Variants in ST18 observed in about 807,000 individuals in gnomAD.
ST18 encodes ST18 C2H2C-type zinc finger transcription factor.
ST18 carries 50 observed loss-of-function variants against 110.0 expected under a neutral mutation model. The observed-to-expected ratio is 0.45, with a 90% CI of 0.36 to 0.58. The LOEUF (loss-of-function observed/expected upper bound fraction) is 0.58. Among genes scored for constraint, ST18 ranks in the 20% least tolerant of loss-of-function variants. The pLI, the probability that ST18 is intolerant of heterozygous loss-of-function variation, is 0.00. For missense variants in ST18, 1,306 were observed against 1,280.1 expected (o/e 1.02, Z -0.31); for synonymous variants, 461 against 452.4 (o/e 1.02, Z -0.24).
chr8:52,229,978 T>G (rs2090828514), intron 3 of ST18, 54 bp downstream of exon 3: 1 of 152,578 alleles, frequency 6.6e-6, no homozygotes, highest in African/African-American at 2.4e-5. Context: ...GTTGAAAAGT[T>G]GGAGATTCTT....
chr8:52,351,404 C>T (rs1201856549), intron 2 of ST18, among the ~76,000 whole-genome samples: 3 of 152,234 alleles, frequency 2.0e-5, no homozygotes, highest in Non-Finnish European at 4.4e-5. Flanking sequence ...TCCTCACTAT[C>T]AGGTACTTAA....
At chr8:52,140,991 AGAAGTTAGAAGTGACTTCTAAG>A in intron 17 of ST18, among the ~76,000 whole-genome samples, 1 of 151,500 alleles carries the variant, frequency 6.6e-6, no homozygotes, top group Non-Finnish European at 1.5e-5. Flanking sequence ...GAAGTTTCTA[AGAAGTTAGAAGTGACTTCTAAG>A]GTCTCAAGTC....
intron 2 of ST18, among the ~76,000 whole-genome samples, chr8:52,396,585 G>A (rs556386272): frequency 6.6e-6 from 1 of 152,286 alleles, no homozygotes; most frequent in South Asian, 2.1e-4. Context: ...GGAGGCCTCA[G>A]GAAATTTGCA....
chr8:52,281,768 T>C (rs1279578915), intron 2 of ST18, among the ~76,000 whole-genome samples: 1 of 152,208 alleles, frequency 6.6e-6, no homozygotes, highest in African/African-American at 2.4e-5. Flanking sequence ...TTGGAGACCT[T>C]TATTCTAAGT....
intron 2 of ST18, among the ~76,000 whole-genome samples, chr8:52,249,810 A>G (rs1362096159): frequency 6.6e-6 from 1 of 152,120 alleles, no homozygotes; most frequent in East Asian, 1.9e-4. Context: ...TCTGGTTTGC[A>G]CTGGTGACCT....
rs184730536 is a variant in ST18, at chr8:52,136,194, T to G, written c.2300+396A>C. Among the ~76,000 whole-genome samples the G allele has an allele frequency of 2.0e-5, 3 of 151,980 alleles. No individual in the cohort carries two copies. The East Asian group carries it at 5.8e-4, about 29-fold the overall frequency. ...TTTGGGTGTTTTTGGCACCCAAGAGTGAAAGGCAGTTGTACGAATCAAAAT... is the reference window on the plus strand; with the variant it reads ...TTTGGGTGTTTTTGGCACCCAAGAGGGAAAGGCAGTTGTACGAATCAAAAT... On this transcript the variant is annotated intron_variant, in intron 19 of 25. Coordinates refer to ENST00000689386, the MANE Select transcript of ST18 (RefSeq NM_001352837.2).
At chr8:52,200,671 G>A (rs1033674589) in intron 8 of ST18, among the ~76,000 whole-genome samples, 4 of 152,188 alleles carry the variant, frequency 2.6e-5, no homozygotes, top group South Asian at 2.1e-4. Context: ...AGTGAGCCGC[G>A]ATGGCTTAGG....
chr8:52,203,187 G>T (rs538689819), intron 8 of ST18, among the ~76,000 whole-genome samples: 1 of 152,138 alleles, frequency 6.6e-6, no homozygotes, highest in Non-Finnish European at 1.5e-5. Flanking sequence ...TGACATGGAG[G>T]GGGTAGGGGG....
chr8:52,359,077 G>A (rs548659329), intron 2 of ST18, among the ~76,000 whole-genome samples: 1 of 151,144 alleles, frequency 6.6e-6, no homozygotes, highest in Admixed American at 6.6e-5. Context: ...CTCAATATGT[G>A]AACAATCAAT....
intron 2 of ST18, among the ~76,000 whole-genome samples, chr8:52,250,062 C>T (rs1468750425): frequency 6.6e-6 from 1 of 151,734 alleles, no homozygotes. Context: ...CCTTTTAACT[C>T]CTATGAAAAA....
chr8:52,388,266 G>C (rs1005839632), intron 2 of ST18, among the ~76,000 whole-genome samples: 1 of 151,942 alleles, frequency 6.6e-6, no homozygotes, highest in Non-Finnish European at 1.5e-5. Context: ...ACGCCAGCGC[G>C]CTCCGAGCAC....
chr8:52,133,207 T>C lies in ST18; in HGVS notation c.2363+32A>G, dbSNP rs771626136. 167 of 1,614,058 alleles carry C rather than the reference T, an allele frequency of 1.0e-4. 2 individuals carry two copies. In the East Asian group the frequency reaches 3.7e-3, roughly 35 times the overall value. On this transcript the variant is annotated intron_variant, in intron 20 of 25. Coordinates refer to ENST00000689386, the MANE Select transcript of ST18 (RefSeq NM_001352837.2). ...TCTCTGACTGCTGCCGACAAGCTCA[T>C]TTCCACATCTCAGAAATAAGATCAA...
At chr8:52,302,738 CA>C (rs1038949632) in intron 2 of ST18, among the ~76,000 whole-genome samples, 2 of 152,164 alleles carry the variant, frequency 1.3e-5, no homozygotes, top group Non-Finnish European at 2.9e-5. Context: ...TGAGCATCAA[CA>C]TAAATAATGA....
Position 52,259,555 on chromosome 8 carries a change from T to C in ST18, c.-464-29478A>G, listed in dbSNP as rs570438312. ...TGACATTTTGATAATGAATGAAAGA[T>C]GATAAATGATTCCCTGTTATAATGA... On this transcript the variant is annotated intron_variant, in intron 2 of 25. Coordinates refer to ENST00000689386, the MANE Select transcript of ST18 (RefSeq NM_001352837.2). 7.9e-5 allele frequency among the ~76,000 whole-genome samples: 12 copies of C among 152,256 alleles called. No individual in the cohort carries two copies. The South Asian group carries it at 2.1e-3, about 26-fold the overall frequency.
At chr8:52,297,849 A>G (rs1330620007) in intron 2 of ST18, among the ~76,000 whole-genome samples, 6 of 152,222 alleles carry the variant, frequency 3.9e-5, no homozygotes, top group Non-Finnish European at 8.8e-5. Flanking sequence ...AAAAAAAGTG[A>G]TCATTACCAC....
intron 2 of ST18, among the ~76,000 whole-genome samples, chr8:52,288,960 C>T (rs2095512181): frequency 6.6e-6 from 1 of 152,098 alleles, no homozygotes; most frequent in African/African-American, 2.4e-5. Flanking sequence ...AGATTCATGG[C>T]ACGTGTGCAA....
At position 52,372,545 on chromosome 8, in the gene ST18, C is replaced by T. The variant is rs558557197; in HGVS notation, c.-465+36783G>A. Among the ~76,000 whole-genome samples the T allele has an allele frequency of 2.9e-4, 44 of 152,356 alleles. 2 individuals are homozygous for T. The South Asian group carries it at 8.9e-3, about 31-fold the overall frequency. Reference sequence around the variant, plus strand: ...CTCACCCAGAGCAACTTCCATCCTGCACCTCCATTCACGGTAAGTGCCCTG... The same window carrying T: ...CTCACCCAGAGCAACTTCCATCCTGTACCTCCATTCACGGTAAGTGCCCTG... On this transcript the variant is annotated intron_variant, in intron 2 of 25. Transcript: ENST00000689386.
intron 2 of ST18, among the ~76,000 whole-genome samples, chr8:52,330,004 A>C (rs912851453): frequency 5.9e-5 from 9 of 152,262 alleles, no homozygotes; most frequent in African/African-American, 1.4e-4. Context: ...TTGCATGTTT[A>C]CATGTTTTAT....
rs2083309605 is a variant in ST18, at chr8:52,214,264, C to T, written c.1-7G>A. 6.2e-7 allele frequency: 1 copy of T among 1,613,834 alleles called. No homozygotes were observed. The highest frequency in any genetic ancestry group is 8.5e-7 in the Non-Finnish European group (1 of 1,179,968). On this transcript the variant is annotated splice_region_variant and splice_polypyrimidine_tract_variant and intron_variant, in intron 6 of 25. Coordinates refer to ENST00000689386, the MANE Select transcript of ST18 (RefSeq NM_001352837.2). ...CTTCAGCCTCTGCATCCATCTATAACATGAACACAAAGTCCTGAGGTCATT... is the reference window on the plus strand; with the variant it reads ...CTTCAGCCTCTGCATCCATCTATAATATGAACACAAAGTCCTGAGGTCATT...
Sources: gnomAD v4.1 joint callset for allele counts (sites outside exome capture counted in the v4.1 genomes callset) on GRCh38, gnomAD v4.1.1 for gene constraint, MANE v1.5 for transcripts, NCBI Gene and HGNC (gene_info 2026-07-23, HGNC 2026-07-21) for gene names.